Variants in LEP observed in about 807,000 individuals in gnomAD.
LEP encodes the protein leptin (murine obesity homolog).
In LEP, 6 loss-of-function variants were observed where a neutral mutation model predicts 9.8. The ratio of observed to expected loss-of-function variants is 0.61; its 90% CI spans 0.34 to 1.21. LEP has a LOEUF of 1.21. LEP is among the 50% of genes most tolerant of loss of function. The probability of loss-of-function intolerance (pLI) is 0.04; values close to 1 mark genes in which losing one functional copy is unlikely to be tolerated. For synonymous variants in LEP, 112 were observed against 81.7 expected, an observed-to-expected ratio of 1.37 and a Z score of -2.00; for missense variants, 134 against 198.1, an observed-to-expected ratio of 0.68 and a Z score of 1.94.
At position 128,242,340 on chromosome 7, in the gene LEP, C is replaced by T. The variant is rs572010306; in HGVS notation, c.-29+1034C>T. ...GCAGTGCAGAATGACCTCTGGCAGC[C>T]GGAGTTGTGTTTGTTCTGTAGGATT... On this transcript the variant is annotated intron_variant, in intron 1 of 2. Coordinates refer to ENST00000308868, the MANE Select transcript of LEP (RefSeq NM_000230.3). 3.9e-5 allele frequency among the ~76,000 whole-genome samples: 6 copies of T among 152,258 alleles called. No homozygotes were observed. The East Asian group carries it at 1.2e-3, about 29-fold the overall frequency.
chr7:128,254,713 G>C lies in LEP; in HGVS notation c.454G>C (p.Gly152Arg), dbSNP rs757709363. ...GGTGGTGGCCCTGAGCAGGCTGCAG[G>C]GGTCTCTGCAGGACATGCTGTGGCA... is the stretch of plus-strand genomic sequence containing the variant. Reference protein sequence around the residue: ...TEVVALSRLQGSLQDMLWQLD... With the variant: ...TEVVALSRLQRSLQDMLWQLD... The change falls in exon 3 of 3, where the codon GGG (glycine) becomes CGG (arginine). Residue 152 changes from glycine (G) to arginine (R), a missense_variant. Transcript: ENST00000308868. 4 of 1,613,242 alleles carry C rather than the reference G, an allele frequency of 2.5e-6. No individual in the cohort carries two copies. Among genetic ancestry groups the C allele is most frequent in the East Asian group, 4.5e-5 (2 of 44,862 alleles).
Position 128,256,219 on chromosome 7 carries a change from C to T in LEP, c.*1456C>T, listed in dbSNP as rs1451342108. On this transcript the variant is annotated 3_prime_UTR_variant, in exon 3 of 3. Transcript: ENST00000308868. ...GCACTGCTAGGCGAGTGCCAGGACTCCCCAGGCCAGGCCACCAGGATGGCC... is the reference window on the plus strand; with the variant it reads ...GCACTGCTAGGCGAGTGCCAGGACTTCCCAGGCCAGGCCACCAGGATGGCC... 1 of 152,388 alleles carries T rather than the reference C, an allele frequency of 6.6e-6. No homozygotes were observed. The highest frequency in any genetic ancestry group is 1.5e-5 in the Non-Finnish European group (1 of 68,040). The allele number at this position is 152,388 out of a possible 1,614,324, so 9.4% of individuals were successfully genotyped here. A position where few individuals can be genotyped will look rare whatever the true frequency, so the allele number is the denominator to read the frequency against.
intron 1 of LEP, among the ~76,000 whole-genome samples, chr7:128,245,564 G>A (rs1396517076): frequency 6.6e-6 from 1 of 152,244 alleles, no homozygotes; most frequent in East Asian, 1.9e-4. Context: ...GGAAGAACAG[G>A]AGGGGATCCC....
chr7:128,242,019 G>A lies in LEP; in HGVS notation c.-29+713G>A, dbSNP rs551205215. 5.8e-4 allele frequency among the ~76,000 whole-genome samples: 88 copies of A among 152,338 alleles called. 2 individuals are homozygous for A. Among genetic ancestry groups the A allele is most frequent in the South Asian group, 4.8e-3 (23 of 4,826 alleles). On this transcript the variant is annotated intron_variant, in intron 1 of 2. Transcript: ENST00000308868. ...TTCTAGCCAGGACTGCTAAATACGC[G>A]CTGTTGGCCCACCAGGCTCACCTAT... is the stretch of plus-strand genomic sequence containing the variant.
At chr7:128,247,318 C>T (rs1024325550) in intron 1 of LEP, among the ~76,000 whole-genome samples, 2 of 152,188 alleles carry the variant, frequency 1.3e-5, no homozygotes, top group Non-Finnish European at 2.9e-5. Flanking sequence ...TGGGCAGGCT[C>T]ACCAGCATGT....
At chr7:128,253,519 T>G (rs1795299741) in intron 2 of LEP, among the ~76,000 whole-genome samples, 1 of 152,206 alleles carries the variant, frequency 6.6e-6, no homozygotes, top group Admixed American at 6.5e-5. Context: ...CACACACTAT[T>G]CACAAGGTTG....
At chr7:128,247,938 T>TGA (rs573473094) in intron 1 of LEP, among the ~76,000 whole-genome samples, 327 of 152,328 alleles carry the variant, frequency 2.1e-3, no homozygotes, top group Non-Finnish European at 3.5e-3. Context: ...TTAAGCACCA[T>TGA]GACTTTCTTT....
intron 1 of LEP, among the ~76,000 whole-genome samples, chr7:128,242,828 G>A (rs1332786251): frequency 6.6e-6 from 1 of 152,210 alleles, no homozygotes; most frequent in African/African-American, 2.4e-5. Flanking sequence ...GCAGAGCGTG[G>A]AGGTGGCCGC....
chr7:128,249,012 G>A (rs990273356), intron 1 of LEP, among the ~76,000 whole-genome samples: 5 of 152,128 alleles, frequency 3.3e-5, no homozygotes, highest in Non-Finnish European at 5.9e-5. Flanking sequence ...AGTTACTTTC[G>A]CACCAACTAT....
chr7:128,249,739 G>A (rs1795252870), intron 1 of LEP, among the ~76,000 whole-genome samples: 1 of 152,222 alleles, frequency 6.6e-6, no homozygotes, highest in South Asian at 2.1e-4. Context: ...GTATGAGCAT[G>A]TGTGTTATGT....
At chr7:128,241,950 T>A (rs1354764747) in intron 1 of LEP, among the ~76,000 whole-genome samples, 1 of 150,320 alleles carries the variant, frequency 6.7e-6, no homozygotes, top group Non-Finnish European at 1.5e-5. Context: ...TTGCAATGCA[T>A]ACAATGAGGT....
rs1356448226 is a variant in LEP at position 128,254,993 on chromosome 7, C to G, written c.*230C>G. The G allele has an allele frequency of 1.8e-6, 1 of 554,152 alleles. No individual in the cohort carries two copies. Among genetic ancestry groups the G allele is most frequent in the Non-Finnish European group, 3.2e-6 (1 of 307,800 alleles). The allele number at this position is 554,152 out of a possible 1,614,324, so 34.3% of individuals were successfully genotyped here. A position where few individuals can be genotyped will look rare whatever the true frequency, so the allele number is the denominator to read the frequency against. Reference sequence around the variant, plus strand: ...TATTCTCACCAGGAAGGGGGTCCACCCAGCAAAGAGTGGGCTGCATCTGGG... The same window carrying G: ...TATTCTCACCAGGAAGGGGGTCCACGCAGCAAAGAGTGGGCTGCATCTGGG... On this transcript the variant is annotated 3_prime_UTR_variant, in exon 3 of 3. Coordinates refer to ENST00000308868, the MANE Select transcript of LEP (RefSeq NM_000230.3).
intron 1 of LEP, among the ~76,000 whole-genome samples, chr7:128,246,189 T>C (rs755125075): frequency 6.6e-6 from 1 of 152,148 alleles, no homozygotes; most frequent in Non-Finnish European, 1.5e-5. Flanking sequence ...CCATCTGCCT[T>C]GTCCCCTGCA....
rs1795211932 is a variant in LEP, at chr7:128,246,437, G to T, written c.-29+5131G>T. On this transcript the variant is annotated intron_variant, in intron 1 of 2. Coordinates refer to ENST00000308868, the MANE Select transcript of LEP (RefSeq NM_000230.3). ...CCTCTCTTGCTGCCCTGTTTACTGA[G>T]ATTGTTTCATTATCTTTTTTGGCTT... Among the ~76,000 whole-genome samples the T allele has an allele frequency of 2.0e-5, 3 of 152,228 alleles. No homozygotes were observed. The South Asian group carries it at 6.2e-4, about 32-fold the overall frequency.
intron 1 of LEP, among the ~76,000 whole-genome samples, chr7:128,242,499 G>A (rs1584601271): frequency 6.6e-6 from 1 of 152,140 alleles, no homozygotes; most frequent in East Asian, 1.9e-4. Flanking sequence ...GAAACAAGAA[G>A]GCCACACTGA....
intron 1 of LEP, among the ~76,000 whole-genome samples, chr7:128,246,088 A>T (rs956929201): frequency 6.6e-6 from 1 of 151,894 alleles, no homozygotes; most frequent in African/African-American, 2.4e-5. Flanking sequence ...ATAAAAAAAT[A>T]AAAAAATAAA....
chr7:128,247,646 C>A (rs1170503790), intron 1 of LEP, among the ~76,000 whole-genome samples: 1 of 152,194 alleles, frequency 6.6e-6, no homozygotes, highest in African/African-American at 2.4e-5. Context: ...TTCTCAGGTC[C>A]CTTATCAAAT....
At chr7:128,245,700 C>T (rs1177978369) in intron 1 of LEP, among the ~76,000 whole-genome samples, 2 of 152,200 alleles carry the variant, frequency 1.3e-5, no homozygotes, top group Non-Finnish European at 2.9e-5. Context: ...TTGTTCTCCC[C>T]ATTGATGTCA....
intron 1 of LEP, 76 bp from the exon 2 acceptor site, chr7:128,251,915 A>G (rs1166558853): frequency 7.7e-6 from 9 of 1,169,178 alleles, no homozygotes; most frequent in Non-Finnish European, 1.0e-5. Context: ...CCGTCTGGTA[A>G]TGTGGTTGGT....
Sources: allele counts gnomAD v4.1 joint callset (sites outside exome capture counted in the v4.1 genomes callset), GRCh38; gene constraint gnomAD v4.1.1; transcripts MANE v1.5; gene names NCBI Gene and HGNC (gene_info 2026-07-23, HGNC 2026-07-21).